Variants in CDH13 observed in about 807,000 individuals in gnomAD.
CDH13 encodes the protein cadherin 13, also known as cadherin-13.
A neutral mutation model predicts 63.8 loss-of-function variants in CDH13; 24 were observed. The observed-to-expected ratio is 0.38, with a 90% confidence interval of 0.27 to 0.53. The LOEUF (loss-of-function observed/expected upper bound fraction) is 0.53, where lower values mean the gene tolerates loss of function less well. CDH13 is among the 20% of genes least tolerant of loss of function. CDH13 has a pLI of 0.85. For missense variants in CDH13, 1,049 were observed against 903.1 expected, an observed-to-expected ratio of 1.16 and a Z score of -2.07; for synonymous variants, 503 against 355.3, an observed-to-expected ratio of 1.42 and a Z score of -4.67.
chr16:83,739,755 T>A (rs1911887302), intron 10 of CDH13, among the ~76,000 whole-genome samples: 1 of 152,132 alleles, frequency 6.6e-6, no homozygotes, highest in African/African-American at 2.4e-5. Context: ...AGCACATGGG[T>A]CAACCAATGC....
intron 3 of CDH13, among the ~76,000 whole-genome samples, chr16:83,100,417 A>G (rs948917111): frequency 1.3e-5 from 2 of 152,160 alleles, no homozygotes; most frequent in African/African-American, 2.4e-5. Context: ...AAGAGAGGAA[A>G]CTGATGCTCA....
intron 5 of CDH13, among the ~76,000 whole-genome samples, chr16:83,323,306 G>A (rs755304501): frequency 2.8e-4 from 35 of 124,510 alleles, no homozygotes; most frequent in Non-Finnish European, 4.7e-4. Context: ...AGGGAGTTTC[G>A]CTTTTTTTGC....
intron 1 of CDH13, among the ~76,000 whole-genome samples, chr16:82,796,227 C>T (rs941031706): frequency 2.6e-5 from 4 of 152,148 alleles, no homozygotes; most frequent in Non-Finnish European, 5.9e-5. Context: ...TAGCCAGAAA[C>T]TGGTTCTTTG....
At chr16:83,273,537 G>A (rs962209607) in intron 5 of CDH13, among the ~76,000 whole-genome samples, 1 of 152,110 alleles carries the variant, frequency 6.6e-6, no homozygotes, top group Non-Finnish European at 1.5e-5. Flanking sequence ...ATACTATGAA[G>A]CCACAAAAAA....
intron 6 of CDH13, among the ~76,000 whole-genome samples, chr16:83,349,032 G>A (rs955239848): frequency 1.3e-5 from 2 of 152,170 alleles, no homozygotes; most frequent in Non-Finnish European, 2.9e-5. Flanking sequence ...CACAAAGGAA[G>A]GTCACCCATA....
chr16:82,872,432 C>A (rs183165992), intron 2 of CDH13, among the ~76,000 whole-genome samples: 1 of 152,178 alleles, frequency 6.6e-6, no homozygotes. Flanking sequence ...CAGGAACATA[C>A]GGATGTTACA....
At chr16:83,158,751 G>A (rs1215867032) in intron 4 of CDH13, among the ~76,000 whole-genome samples, 6 of 152,192 alleles carry the variant, frequency 3.9e-5, no homozygotes, top group Admixed American at 2.0e-4. Context: ...ACCCTTGCTC[G>A]AGTCACTGAG....
At chr16:83,148,269 C>T (rs1250581218) in intron 4 of CDH13, among the ~76,000 whole-genome samples, 1 of 152,092 alleles carries the variant, frequency 6.6e-6, no homozygotes, top group African/African-American at 2.4e-5. Flanking sequence ...GCCAGAGAGA[C>T]CACAATAGGC....
intron 4 of CDH13, among the ~76,000 whole-genome samples, chr16:83,202,025 CT>C (rs1374847210): frequency 3.3e-5 from 5 of 152,182 alleles, no homozygotes; most frequent in Non-Finnish European, 7.3e-5. Flanking sequence ...GCATTAAGAA[CT>C]CTATTTCAGT....
At chr16:83,019,918 A>C (rs1164001663) in intron 2 of CDH13, among the ~76,000 whole-genome samples, 1 of 152,078 alleles carries the variant, frequency 6.6e-6, no homozygotes, top group East Asian at 1.9e-4. Flanking sequence ...ATCATTACCA[A>C]ATATTACATA....
intron 5 of CDH13, among the ~76,000 whole-genome samples, chr16:83,309,079 G>C (rs978994328): frequency 2.0e-5 from 3 of 152,112 alleles, no homozygotes. Flanking sequence ...CTTGGTGCTT[G>C]TCCCTCCATA....
At chr16:83,461,211 TATACAC>T (rs2073173541) in intron 6 of CDH13, among the ~76,000 whole-genome samples, 1 of 152,158 alleles carries the variant, frequency 6.6e-6, no homozygotes, top group African/African-American at 2.4e-5. Context: ...TATAGGTACA[TATACAC>T]ATACATGTAT....
chr16:82,737,285 G>C (rs185983971), intron 1 of CDH13, among the ~76,000 whole-genome samples: 1 of 152,296 alleles, frequency 6.6e-6, no homozygotes, highest in Non-Finnish European at 1.5e-5. Flanking sequence ...TCAAGATGGA[G>C]CCCTCTCCCA....
At chr16:83,137,284 C>T (rs73604227) in intron 4 of CDH13, among the ~76,000 whole-genome samples, 1,535 of 152,314 alleles carry the variant, frequency 0.01, 31 homozygotes, top group African/African-American at 0.035. Flanking sequence ...CACCACTCTT[C>T]TCCTTGGCAC....
At chr16:83,054,062 G>A (rs1310156581) in intron 3 of CDH13, among the ~76,000 whole-genome samples, 1 of 152,168 alleles carries the variant, frequency 6.6e-6, no homozygotes, top group Non-Finnish European at 1.5e-5. Flanking sequence ...ATTCAGCACA[G>A]TAACATACTG....
At chr16:83,463,378 T>C (rs528590959) in intron 6 of CDH13, among the ~76,000 whole-genome samples, 1 of 152,220 alleles carries the variant, frequency 6.6e-6, no homozygotes, top group Non-Finnish European at 1.5e-5. Context: ...GGCTGGGGGC[T>C]CGGCTCCATG....
At chr16:82,642,031 A>C (rs1909465865) in intron 1 of CDH13, among the ~76,000 whole-genome samples, 1 of 147,600 alleles carries the variant, frequency 6.8e-6, no homozygotes, top group African/African-American at 2.5e-5. Context: ...CCATTCACCA[A>C]CTCCTTATGA....
chr16:83,073,321 CTGTGTG>C (rs567463667), intron 3 of CDH13, among the ~76,000 whole-genome samples: 52 of 139,688 alleles, frequency 3.7e-4, no homozygotes, highest in African/African-American at 1.2e-3. Flanking sequence ...GGGTGTGTGT[CTGTGTG>C]TGTGTGTGTG....
intron 3 of CDH13, among the ~76,000 whole-genome samples, chr16:83,064,044 GC>G (rs2031800891): frequency 1.3e-5 from 2 of 152,104 alleles, no homozygotes; most frequent in Admixed American, 1.3e-4. Flanking sequence ...ACATTTCAGA[GC>G]TAAAAATATA....
Sources: allele counts gnomAD v4.1 joint callset (sites outside exome capture counted in the v4.1 genomes callset), GRCh38; gene constraint gnomAD v4.1.1; transcripts MANE v1.5; gene names NCBI Gene and HGNC (gene_info 2026-07-23, HGNC 2026-07-21).